The following CADPS variants were observed in gnomAD, a reference collection of about 807,000 sequenced individuals.
CADPS encodes calcium-dependent secretion activator 1.
Under a neutral mutation model 167.3 loss-of-function variants are expected in CADPS, and 57 were observed. That is an observed-to-expected ratio of 0.34 (90% confidence interval 0.28 to 0.42). The LOEUF (loss-of-function observed/expected upper bound fraction) is 0.42, where lower values mean the gene tolerates loss of function less well. Among genes scored for constraint, CADPS ranks in the 20% least tolerant of loss-of-function variants. The probability of loss-of-function intolerance (pLI) is 1.00; values close to 1 mark genes in which losing one functional copy is unlikely to be tolerated. For synonymous variants in CADPS, 676 were observed against 635.3 expected (o/e 1.06, Z -0.96); for missense variants, 1,414 against 1,738.1 (o/e 0.81, Z 3.32).
At position 62,478,066 on chromosome 3, in the gene CADPS, G is replaced by A; in HGVS notation, c.3329+195C>T. 1 of 548,344 alleles carries A rather than the reference G, an allele frequency of 1.8e-6. No individual in the cohort carries two copies. Among genetic ancestry groups the A allele is most frequent in the East Asian group, 2.9e-5 (1 of 34,768 alleles). The allele number at this position is 548,344 out of a possible 1,614,324, so 34.0% of individuals were successfully genotyped here. A position where few individuals can be genotyped will look rare whatever the true frequency, so the allele number is the denominator to read the frequency against. ...AAAAAATTGGCAGCCAGATTATTTT[G>A]GGTTTGGGACAGATGGAGGGCAGGT... On this transcript the variant is annotated intron_variant, in intron 23 of 29. Coordinates refer to ENST00000383710, the MANE Select transcript of CADPS (RefSeq NM_003716.4). The surrounding 1 kb of genome is among the most constrained non-coding windows in gnomAD (Gnocchi z 5.7).
chr3:62,750,006 A>T (rs1467615871), intron 3 of CADPS, among the ~76,000 whole-genome samples: 1 of 152,206 alleles, frequency 6.6e-6, no homozygotes. Context: ...TAAAAAGAAT[A>T]TATCAAAGCT....
At chr3:62,651,165 T>A in intron 4 of CADPS, 85 bp from the exon 5 acceptor site, 1 of 871,968 alleles carries the variant, frequency 1.1e-6, no homozygotes. Flanking sequence ...GGCCCAGAGT[T>A]AGAATCACAT....
chr3:62,719,817 A>C lies in CADPS; in HGVS notation c.888+33624T>G, dbSNP rs1362813823. 2.0e-5 allele frequency among the ~76,000 whole-genome samples: 3 copies of C among 152,198 alleles called. No homozygotes were observed. In the South Asian group the frequency reaches 6.2e-4, roughly 31 times the overall value. Reference sequence around the variant, plus strand: ...GCTCTCCACCTTCTGGGAGCACGGTAGGATTTGACTACTTTTAACCTTGGG... The same window carrying C: ...GCTCTCCACCTTCTGGGAGCACGGTCGGATTTGACTACTTTTAACCTTGGG... On this transcript the variant is annotated intron_variant, in intron 3 of 29. Coordinates refer to ENST00000383710, the MANE Select transcript of CADPS (RefSeq NM_003716.4).
intron 6 of CADPS, among the ~76,000 whole-genome samples, chr3:62,624,075 CT>C: frequency 6.6e-6 from 1 of 152,214 alleles, no homozygotes; most frequent in South Asian, 2.1e-4. Context: ...TCCAGAGATG[CT>C]GCTAAGCCTC....
chr3:62,678,455 A>G (rs868238), intron 3 of CADPS, among the ~76,000 whole-genome samples: 20,771 of 152,178 alleles, frequency 0.14, 1,605 homozygotes, highest in Middle Eastern at 0.21. Context: ...TAAGGAAGAA[A>G]AAATTAATGC....
At chr3:62,616,127 A>G (rs2062248950) in intron 6 of CADPS, among the ~76,000 whole-genome samples, 1 of 152,212 alleles carries the variant, frequency 6.6e-6, no homozygotes, top group Non-Finnish European at 1.5e-5. Flanking sequence ...CCCTCCATCA[A>G]TCATCGAAGA....
intron 3 of CADPS, among the ~76,000 whole-genome samples, chr3:62,668,083 C>A (rs1408673610): frequency 6.6e-6 from 1 of 152,178 alleles, no homozygotes; most frequent in Non-Finnish European, 1.5e-5. Context: ...TAGACTCTTC[C>A]AAAGTCATCA....
chr3:62,789,502 T>C (rs2092750635), intron 1 of CADPS, among the ~76,000 whole-genome samples: 2 of 152,300 alleles, frequency 1.3e-5, no homozygotes, highest in East Asian at 3.9e-4. Context: ...TTTAACAGTA[T>C]TTTGCTCAGG....
intron 3 of CADPS, among the ~76,000 whole-genome samples, chr3:62,667,117 A>G (rs1438879302): frequency 7.4e-6 from 1 of 135,762 alleles, no homozygotes; most frequent in Non-Finnish European, 1.5e-5. Flanking sequence ...CAGTTTCCTT[A>G]TCTGTAAAAC....
At chr3:62,842,488 T>C (rs1036732777) in intron 1 of CADPS, among the ~76,000 whole-genome samples, 7 of 152,218 alleles carry the variant, frequency 4.6e-5, no homozygotes, top group African/African-American at 1.7e-4. Flanking sequence ...AGACTATGTG[T>C]TTAATTTTCT....
At chr3:62,488,728 G>A (rs1458842084) in intron 21 of CADPS, among the ~76,000 whole-genome samples, 1 of 152,046 alleles carries the variant, frequency 6.6e-6, no homozygotes, top group Admixed American at 6.5e-5. Context: ...GGCCTCAGGT[G>A]ATCCTCTCGC....
At chr3:62,853,215 T>A (rs2078975882) in intron 1 of CADPS, among the ~76,000 whole-genome samples, 1 of 152,158 alleles carries the variant, frequency 6.6e-6, no homozygotes, top group Admixed American at 6.6e-5. Context: ...AGAAAGAACT[T>A]CCAGAAAATA....
intron 24 of CADPS, chr3:62,473,732 G>A (rs967327851): frequency 6.5e-6 from 1 of 152,726 alleles, no homozygotes; most frequent in Non-Finnish European, 1.5e-5. Context: ...GCTGGCTGGG[G>A]ATTGGGTAGC....
In CADPS at chr3:62,675,639, G is replaced by A. The variant is rs554852265; in HGVS notation, c.889-13245C>T. On this transcript the variant is annotated intron_variant, in intron 3 of 29. Coordinates refer to ENST00000383710, the MANE Select transcript of CADPS (RefSeq NM_003716.4). ...GCTGCAATACACAAATTCAGCACTG[G>A]GAAGTTCAAATTAAGATGGCCCTAG... is the stretch of plus-strand genomic sequence containing the variant. 6.6e-5 allele frequency among the ~76,000 whole-genome samples: 10 copies of A among 152,124 alleles called. No homozygotes were observed. In the South Asian group the frequency reaches 1.2e-3, roughly 19 times the overall value.
intron 18 of CADPS, among the ~76,000 whole-genome samples, chr3:62,498,545 C>T (rs548786517): frequency 2.0e-5 from 3 of 151,906 alleles, no homozygotes; most frequent in East Asian, 1.9e-4. Context: ...TTTAGTTAGC[C>T]TTGAAATCCC....
intron 3 of CADPS, among the ~76,000 whole-genome samples, chr3:62,714,277 A>G (rs1250637771): frequency 6.6e-6 from 1 of 152,222 alleles, no homozygotes; most frequent in Non-Finnish European, 1.5e-5. Flanking sequence ...TAATAAAGGA[A>G]TTATATATAC....
chr3:62,678,912 G>A (rs1481192652), intron 3 of CADPS, among the ~76,000 whole-genome samples: 1 of 151,900 alleles, frequency 6.6e-6, no homozygotes, highest in African/African-American at 2.4e-5. Flanking sequence ...CTCACCAGTT[G>A]TATATGAGAA....
intron 22 of CADPS, among the ~76,000 whole-genome samples, chr3:62,481,183 G>A (rs1465726559): frequency 6.6e-6 from 1 of 152,242 alleles, no homozygotes; most frequent in South Asian, 2.1e-4. Context: ...TGTGACTAAG[G>A]CTTGATCCAT....
chr3:62,523,701 G>A (rs2071313599), intron 13 of CADPS, among the ~76,000 whole-genome samples: 1 of 152,158 alleles, frequency 6.6e-6, no homozygotes. Context: ...CCACAGAAGA[G>A]GAAACAGTGT....
Sources: gnomAD v4.1 joint callset for allele counts (sites outside exome capture counted in the v4.1 genomes callset) on GRCh38, gnomAD v4.1.1 for gene constraint, Gnocchi (gnomAD v3.1) non-coding constraint, MANE v1.5 for transcripts, NCBI Gene and HGNC (gene_info 2026-07-23, HGNC 2026-07-21) for gene names.